ITFG1: variants seen among roughly 807,000 people sequenced by gnomAD.
ITFG1 encodes integrin alpha FG-GAP repeat containing 1, also known as T-cell immunomodulatory protein.
In ITFG1, 34 loss-of-function variants were observed where a neutral mutation model predicts 81.8. That is an observed-to-expected ratio of 0.42 (90% CI 0.32 to 0.55). The LOEUF is 0.55. Among genes scored for constraint, ITFG1 ranks in the 20% least tolerant of loss-of-function variants. The pLI, the probability that ITFG1 is intolerant of heterozygous loss-of-function variation, is 0.17. For missense variants in ITFG1, 672 were observed against 755.4 expected (o/e 0.89, Z 1.29); for synonymous variants, 285 against 270.6 (o/e 1.05, Z -0.52).
intron 10 of ITFG1, among the ~76,000 whole-genome samples, chr16:47,304,855 T>C (rs1361239852): frequency 6.6e-6 from 1 of 152,196 alleles, no homozygotes. Context: ...TAAAACTTTG[T>C]GGCCACTATT....
At chr16:47,213,132 T>C (rs931842650) in intron 14 of ITFG1, among the ~76,000 whole-genome samples, 4 of 152,194 alleles carry the variant, frequency 2.6e-5, no homozygotes, top group African/African-American at 9.7e-5. Flanking sequence ...ATTTTAAGAA[T>C]TTCCCTTGAA....
chr16:47,350,311 C>T (rs573898761), intron 8 of ITFG1, among the ~76,000 whole-genome samples: 13 of 152,008 alleles, frequency 8.6e-5, no homozygotes, highest in Admixed American at 6.5e-4. Context: ...ATTGATAGAC[C>T]ACTAGCAAGA....
intron 2 of ITFG1, among the ~76,000 whole-genome samples, chr16:47,456,199 T>C (rs1182678197): frequency 2.0e-5 from 3 of 152,126 alleles, no homozygotes; most frequent in African/African-American, 7.2e-5. Context: ...AGAAAGACCC[T>C]GTCTTTATCA....
intron 6 of ITFG1, among the ~76,000 whole-genome samples, chr16:47,377,173 C>T (rs138123866): frequency 1.8e-3 from 269 of 151,814 alleles, no homozygotes; most frequent in African/African-American, 6.2e-3. Context: ...ATGGAATCAC[C>T]CAAAAGCTAA....
intron 14 of ITFG1, among the ~76,000 whole-genome samples, chr16:47,189,470 C>T (rs1383370036): frequency 2.6e-5 from 4 of 152,266 alleles, no homozygotes; most frequent in Admixed American, 6.5e-5. Context: ...AATATGTGGC[C>T]TTTTGTGTCT....
At chr16:47,428,500 A>G (rs373356531) in intron 6 of ITFG1, among the ~76,000 whole-genome samples, 1 of 151,852 alleles carries the variant, frequency 6.6e-6, no homozygotes, top group Non-Finnish European at 1.5e-5. Context: ...TATTTTAAAA[A>G]TTTTTAATAA....
At chr16:47,261,729 T>G (rs2151542708) in intron 10 of ITFG1, among the ~76,000 whole-genome samples, 1 of 152,362 alleles carries the variant, frequency 6.6e-6, no homozygotes, top group East Asian at 1.9e-4. Flanking sequence ...TGGAGTGCAG[T>G]GGTGCAATCT....
chr16:47,372,291 C>T (rs1373985671), intron 7 of ITFG1, among the ~76,000 whole-genome samples: 1 of 152,136 alleles, frequency 6.6e-6, no homozygotes, highest in East Asian at 1.9e-4. Context: ...GTCGCTCAGG[C>T]TGGAGTGCAG....
intron 5 of ITFG1, among the ~76,000 whole-genome samples, chr16:47,437,819 C>T (rs1201179741): frequency 6.6e-6 from 1 of 152,218 alleles, no homozygotes; most frequent in African/African-American, 2.4e-5. Context: ...GTACCGGGTA[C>T]ATCTCACTGG....
intron 14 of ITFG1, among the ~76,000 whole-genome samples, chr16:47,180,245 G>A (rs948792962): frequency 2.0e-5 from 3 of 152,126 alleles, no homozygotes; most frequent in African/African-American, 4.8e-5. Context: ...CAGTGATTAC[G>A]TGGAAGACAT....
chr16:47,162,762 A>T, intron 14 of ITFG1, 98 bp from the exon 15 acceptor site: 3 of 1,011,198 alleles, frequency 3.0e-6, no homozygotes, highest in Non-Finnish European at 4.3e-6. Context: ...TAGGTACTGG[A>T]ATGTATCACG....
At chr16:47,422,195 T>G (rs1389234635) in intron 6 of ITFG1, among the ~76,000 whole-genome samples, 1 of 152,226 alleles carries the variant, frequency 6.6e-6, no homozygotes, top group Non-Finnish European at 1.5e-5. Flanking sequence ...ATATACCCAG[T>G]AATGGGATTG....
intron 13 of ITFG1, among the ~76,000 whole-genome samples, chr16:47,219,798 GAT>G (rs1391903833): frequency 2.6e-5 from 4 of 152,116 alleles, no homozygotes; most frequent in African/African-American, 9.7e-5. Context: ...TTGCCTGACT[GAT>G]ATTTTAAGAT....
At chr16:47,405,736 T>C (rs1968720103) in intron 6 of ITFG1, among the ~76,000 whole-genome samples, 1 of 152,148 alleles carries the variant, frequency 6.6e-6, no homozygotes, top group South Asian at 2.1e-4. Context: ...CTCATCTAAA[T>C]GCTCAACAAA....
intron 6 of ITFG1, among the ~76,000 whole-genome samples, chr16:47,417,073 A>G (rs1968884410): frequency 6.6e-6 from 1 of 152,144 alleles, no homozygotes; most frequent in Non-Finnish European, 1.5e-5. Context: ...AGTAAACTAA[A>G]TTGTTTTTGA....
At chr16:47,311,465 T>G in intron 9 of ITFG1, 53 bp from the exon 10 acceptor site, 1 of 1,386,036 alleles carries the variant, frequency 7.2e-7, no homozygotes, top group Non-Finnish European at 9.7e-7. Flanking sequence ...TAAAAAAATT[T>G]ATAATTTGCA....
chr16:47,261,481 A>G (rs148228482), intron 10 of ITFG1, among the ~76,000 whole-genome samples: 94 of 152,364 alleles, frequency 6.2e-4, no homozygotes, highest in Admixed American at 1.3e-3. Flanking sequence ...TTTTTACTAT[A>G]GAATGCAATA....
intron 7 of ITFG1, among the ~76,000 whole-genome samples, chr16:47,371,771 G>A (rs1968257144): frequency 6.6e-6 from 1 of 152,110 alleles, no homozygotes. Flanking sequence ...CTAGTGAGAA[G>A]AGGTCAGGGA....
intron 9 of ITFG1, 145 bp from the exon 10 acceptor site, chr16:47,311,557 A>G (rs1967262336): frequency 1.9e-6 from 1 of 515,852 alleles, no homozygotes; most frequent in Non-Finnish European, 3.2e-6. Context: ...GGGGATCATA[A>G]TTTACTCTGA....
Sources: gnomAD v4.1 joint callset for allele counts (sites outside exome capture counted in the v4.1 genomes callset) on GRCh38, gnomAD v4.1.1 for gene constraint, MANE v1.5 for transcripts, NCBI Gene and HGNC (gene_info 2026-07-23, HGNC 2026-07-21) for gene names.